Variants in RINL observed in about 807,000 individuals in gnomAD.
RINL encodes the protein ras and Rab interactor-like protein.
In RINL, 39 loss-of-function variants were observed where a neutral mutation model predicts 58.1. That is an observed-to-expected ratio of 0.67 (90% CI 0.52 to 0.88). The LOEUF (loss-of-function observed/expected upper bound fraction) is 0.88, where lower values mean the gene tolerates loss of function less well. Among genes scored for constraint, RINL ranks in the 40% least tolerant of loss-of-function variants. The pLI is 0.00. For missense variants in RINL, 711 were observed against 749.2 expected (o/e 0.95, Z 0.60); for synonymous variants, 286 against 323.1 (o/e 0.89, Z 1.23).
chr19:38,877,746 C>T (rs138176221), intron 1 of RINL, among the ~76,000 whole-genome samples: 3 of 152,240 alleles, frequency 2.0e-5, no homozygotes, highest in African/African-American at 7.2e-5. Context: ...CAGCAGCAGT[C>T]CCAGGAGCAG....
chr19:38,873,763 C>T (rs919435845), intron 4 of RINL, 123 bp downstream of exon 4: 11 of 590,414 alleles, frequency 1.9e-5, no homozygotes, highest in Middle Eastern at 4.0e-4. Context: ...TGGCCTCAAG[C>T]GATCCACCCG....
At chr19:38,874,057 G>T in intron 3 of RINL, 69 bp from the exon 4 acceptor site, 1 of 948,970 alleles carries the variant, frequency 1.1e-6, no homozygotes, top group African/African-American at 1.6e-5. Context: ...TGCCTGACTA[G>T]CATCCATTTC....
chr19:38,877,039 G>A (rs1221297050), intron 1 of RINL, among the ~76,000 whole-genome samples: 19 of 152,134 alleles, frequency 1.2e-4, no homozygotes, highest in African/African-American at 4.3e-4. Flanking sequence ...TCAGTCTCCC[G>A]AGTAGTTGGG....
chr19:38,876,075 T>A (rs1972917507), intron 3 of RINL, among the ~76,000 whole-genome samples: 2 of 151,982 alleles, frequency 1.3e-5, no homozygotes, highest in South Asian at 4.1e-4. Flanking sequence ...TTTTTTTTTT[T>A]TTTAGACAGG....
intron 6 of RINL, 190 bp downstream of exon 6, chr19:38,871,457 G>A: frequency 1.5e-6 from 1 of 686,064 alleles, no homozygotes; most frequent in Non-Finnish European, 2.5e-6. Flanking sequence ...TCCTCTGTTA[G>A]GACCTAGGAA....
Position 38,868,779 on chromosome 19 carries a change from T to C in RINL, c.*325A>G. The C allele has an allele frequency of 4.1e-6, 1 of 243,768 alleles. No homozygotes were observed. Among genetic ancestry groups the C allele is most frequent in the Non-Finnish European group, 8.1e-6 (1 of 123,918 alleles). The allele number at this position is 243,768 out of a possible 1,614,324, so 15.1% of individuals were successfully genotyped here. A position where few individuals can be genotyped will look rare whatever the true frequency, so the allele number is the denominator to read the frequency against. On this transcript the variant is annotated 3_prime_UTR_variant, in exon 12 of 12. Coordinates refer to ENST00000591812, the MANE Select transcript of RINL (RefSeq NM_001195833.2). Reference sequence around the variant, plus strand: ...ACAGCCTACCTCTGGGCCTTTGCACTGGCTCATCCTGCTTCTCGGAATGCT... The same window carrying C: ...ACAGCCTACCTCTGGGCCTTTGCACCGGCTCATCCTGCTTCTCGGAATGCT...
At chr19:38,875,533 C>T (rs1053908631) in intron 3 of RINL, among the ~76,000 whole-genome samples, 5 of 150,852 alleles carry the variant, frequency 3.3e-5, no homozygotes, top group Middle Eastern at 3.4e-3. Context: ...AAAAATTAGC[C>T]GGGCGTTGTG....
Position 38,876,499 on chromosome 19 carries a change from G to A in RINL, c.51-9C>T, listed in dbSNP as rs1972929074. ...CCTGTGGTGGGACCAGCCTGGGATG[G>A]ACAGTGTCCAGGGAGTCAGGGGTCA... On this transcript the variant is annotated splice_polypyrimidine_tract_variant and intron_variant, in intron 2 of 11. Transcript: ENST00000591812. 2.6e-6 allele frequency: 4 copies of A among 1,535,892 alleles called. No homozygotes were observed. The highest frequency in any genetic ancestry group is 1.7e-6 in the Non-Finnish European group (2 of 1,146,688).
chr19:38,871,301 GACTT>G (rs2144640750), intron 6 of RINL, 74 bp from the exon 7 acceptor site: 1 of 1,530,024 alleles, frequency 6.5e-7, no homozygotes, highest in East Asian at 2.2e-5. Flanking sequence ...GGCGCCAGGA[GACTT>G]ACTTCCCAGC....
In RINL at chr19:38,869,469, C is replaced by A; in HGVS notation, c.1475-59G>T. 6.3e-7 allele frequency: 1 copy of A among 1,580,200 alleles called. No homozygotes were observed. The highest frequency in any genetic ancestry group is 8.6e-7 in the Non-Finnish European group (1 of 1,160,980). ...TCGGCTTCCCTGGTCGCCCCAAATC[C>A]CCCTGCAGTTTGCCTGCCGTCCCTC... On this transcript the variant is annotated intron_variant, in intron 10 of 11. Transcript: ENST00000591812. The surrounding 1 kb of genome is among the most constrained non-coding windows in gnomAD (Gnocchi z 5.7).
At chr19:38,871,918 G>C (rs1367358617) in intron 4 of RINL, 48 bp from the exon 5 acceptor site, 1 of 1,441,092 alleles carries the variant, frequency 6.9e-7, no homozygotes, top group African/African-American at 1.4e-5. Flanking sequence ...AGTGGTGGCA[G>C]TTTTCTGTCC....
At position 38,869,692 on chromosome 19, in the gene RINL, G is replaced by C; in HGVS notation, c.1355C>G (p.Ala452Gly). ...GGTCAGCGCCGGCAGGAAGGCGTCGGCCCCCAGGGGATCTGGGAAAACCAG... is the reference window on the plus strand; with the variant it reads ...GGTCAGCGCCGGCAGGAAGGCGTCGCCCCCCAGGGGATCTGGGAAAACCAG... ...ARGENQDPLG[A>G]DAFLPALTEE... Residue 452 changes from alanine to glycine, a missense_variant, in exon 10 of 12, where the codon GCC becomes GGC. By Grantham distance (60) the Ala-to-Gly change is moderately conservative (BLOSUM62 0). Coordinates refer to ENST00000591812, the MANE Select transcript of RINL (RefSeq NM_001195833.2). The surrounding 1 kb of genome is among the most constrained non-coding windows in gnomAD (Gnocchi z 5.7). The C allele has an allele frequency of 6.2e-7, 1 of 1,613,740 alleles. No homozygotes were observed. Among genetic ancestry groups the C allele is most frequent in the Non-Finnish European group, 8.5e-7 (1 of 1,179,968 alleles).
chr19:38,876,701 C>G lies in RINL; in HGVS notation c.42G>C (p.Glu14Asp). Reference protein sequence around the residue: ...PEDKAPEVPTEGVRLVPPQVN... With the variant: ...PEDKAPEVPTDGVRLVPPQVN... ...AGCCCTAGTAGCCTCACCTCACCCC[C>G]TCTGTGGGGACTTCAGGTGCCTTGT... The change falls in exon 2 of 12, where the codon GAG (glutamate) becomes GAC (aspartate). Residue 14 changes from glutamate (E) to aspartate (D), a missense_variant. Physicochemically the swap from Glu to Asp is conservative, Grantham distance 45. Coordinates refer to ENST00000591812, the MANE Select transcript of RINL (RefSeq NM_001195833.2). 6.5e-7 allele frequency: 1 copy of G among 1,536,100 alleles called. No individual in the cohort carries two copies. The highest frequency in any genetic ancestry group is 8.7e-7 in the Non-Finnish European group (1 of 1,146,878).
Position 38,870,863 on chromosome 19 carries a change from T to C in RINL, c.731A>G (p.Glu244Gly). 1 of 1,605,602 alleles carries C rather than the reference T, an allele frequency of 6.2e-7. No homozygotes were observed. The highest frequency in any genetic ancestry group is 1.1e-5 in the South Asian group (1 of 91,086). The stretch of plus-strand genomic sequence containing the variant: ...CTCTTCAGGGTCGTCCTCCCTTCCT[T>C]CCTCCTTTCCTTCAAGGTCTTCCTC... ...EEEEDLEGKE[E>G]GREDDPEEEG... The change falls in exon 8 of 12, where the codon GAA becomes GGA. Residue 244 changes from glutamate to glycine, a missense_variant. Transcript: ENST00000591812. The surrounding 1 kb of genome is among the most constrained non-coding windows in gnomAD (Gnocchi z 5.8).
chr19:38,872,924 T>C (rs1241881894), intron 4 of RINL, among the ~76,000 whole-genome samples: 1 of 146,354 alleles, frequency 6.8e-6, no homozygotes, highest in East Asian at 2.0e-4. Flanking sequence ...AAATTAGTCA[T>C]GTGTGGTGGT....
At position 38,870,272 on chromosome 19, in the gene RINL, G is replaced by A. The variant is rs974733304; in HGVS notation, c.1025-12C>T. ...CTCCAGCGCGGGGCCTGCGGGGTGT[G>A]GGGGACGGGTGAGCACAGGACCGCC... On this transcript the variant is annotated splice_polypyrimidine_tract_variant and intron_variant, in intron 8 of 11. Coordinates refer to ENST00000591812, the MANE Select transcript of RINL (RefSeq NM_001195833.2). The surrounding 1 kb of genome is among the most constrained non-coding windows in gnomAD (Gnocchi z 5.8). 4.3e-6 allele frequency: 6 copies of A among 1,382,574 alleles called. No individual in the cohort carries two copies. The highest frequency in any genetic ancestry group is 5.6e-6 in the Non-Finnish European group (6 of 1,075,194). The allele number at this position is 1,382,574 out of a possible 1,614,324, so 85.6% of individuals were successfully genotyped here.
Position 38,876,701 on chromosome 19 carries a change from C to T in RINL, c.42G>A (p.Glu14=). ...PEDKAPEVPT[E]GVRLVPPQVN... is the part of the protein sequence containing the mutation. Reference sequence around the variant, plus strand: ...AGCCCTAGTAGCCTCACCTCACCCCCTCTGTGGGGACTTCAGGTGCCTTGT... The same window carrying T: ...AGCCCTAGTAGCCTCACCTCACCCCTTCTGTGGGGACTTCAGGTGCCTTGT... The change falls in exon 2 of 12, where the codon GAG becomes GAA. Residue 14 remains glutamate, a synonymous_variant. Transcript: ENST00000591812. 6.5e-7 allele frequency: 1 copy of T among 1,536,100 alleles called. No individual in the cohort carries two copies. The highest frequency in any genetic ancestry group is 1.4e-5 in the African/African-American group (1 of 73,170).
At chr19:38,875,794 C>T (rs10424892) in intron 3 of RINL, among the ~76,000 whole-genome samples, 90,877 of 152,134 alleles carry the variant, frequency 0.6, 27,725 homozygotes, top group East Asian at 0.77. Flanking sequence ...GGGCAGCCCC[C>T]GGGAAGCTGT....
In RINL at chr19:38,869,102, C is replaced by T. The variant is rs752554556; in HGVS notation, c.*2G>A. ...AGGCATGAACGGAGGGGTGTGAAAC[C>T]CCTAGTTGTCACTGGTCCCTGTCAC... On this transcript the variant is annotated 3_prime_UTR_variant, in exon 12 of 12. Transcript: ENST00000591812. The surrounding 1 kb of genome is among the most constrained non-coding windows in gnomAD (Gnocchi z 5.7). 4 of 1,596,676 alleles carry T rather than the reference C, an allele frequency of 2.5e-6. No homozygotes were observed. In the African/African-American group the frequency reaches 5.4e-5, roughly 21 times the overall value.
Sources: gnomAD v4.1 joint callset for allele counts (sites outside exome capture counted in the v4.1 genomes callset) on GRCh38, gnomAD v4.1.1 for gene constraint, Gnocchi (gnomAD v3.1) non-coding constraint, MANE v1.5 for transcripts, NCBI Gene and HGNC (gene_info 2026-07-23, HGNC 2026-07-21) for gene names.